Variants in MST1 observed in about 807,000 individuals in gnomAD.
The protein encoded by MST1 is hepatocyte growth factor-like protein.
A neutral mutation model predicts 100.1 loss-of-function variants in MST1; 76 were observed. The ratio of observed to expected loss-of-function variants is 0.76; its 90% CI spans 0.63 to 0.92. The LOEUF (loss-of-function observed/expected upper bound fraction) is 0.92, where lower values mean the gene tolerates loss of function less well. Ranked by LOEUF, MST1 falls within the 40% of genes least tolerant of loss-of-function variation. The pLI is 0.00. For missense variants in MST1, 850 were observed against 990.0 expected (o/e 0.86, Z 1.90); for synonymous variants, 352 against 385.4 (o/e 0.91, Z 1.01).
rs1310184151 is a variant in MST1 at position 49,684,305 on chromosome 3, G to T, written c.2016+9C>A. 3 of 1,612,852 alleles carry T rather than the reference G, an allele frequency of 1.9e-6. No homozygotes were observed. The South Asian group carries it at 3.3e-5, about 18-fold the overall frequency. On this transcript the variant is annotated intron_variant, in intron 17 of 17. Transcript: ENST00000449682. ...CCTTCCAGGGCTGGCCCAGGGCCCTGCCACCAACCTCACAGGCCCCCACAG... is the reference window on the plus strand; with the variant it reads ...CCTTCCAGGGCTGGCCCAGGGCCCTTCCACCAACCTCACAGGCCCCCACAG...
intron 1 of MST1, 113 bp from the exon 2 acceptor site, chr3:49,688,010 A>G: frequency 1.4e-6 from 2 of 1,417,244 alleles, no homozygotes; most frequent in East Asian, 5.0e-5. Flanking sequence ...GGCTTCTGGG[A>G]TGGACCCTGT....
rs1429288147 is a variant in MST1 at position 49,689,363 on chromosome 3, T to TG, written c.-673dup. The TG allele has an allele frequency of 6.6e-6, 1 of 152,400 alleles. No homozygotes were observed. The highest frequency in any genetic ancestry group is 2.4e-5 in the African/African-American group (1 of 41,476). 9.4% of individuals were successfully genotyped at this position (152,400 alleles called of 1,614,324 possible). Reference sequence around the variant, plus strand: ...ATGTCGCGTTCTGCCGCAGCAGGGCTGGGAGCATCCCCAGAGCAGGCGGAG... The same window carrying TG: ...ATGTCGCGTTCTGCCGCAGCAGGGCTGGGGAGCATCCCCAGAGCAGGCGGAG... On this transcript the variant is annotated 5_prime_UTR_variant, in exon 1 of 18. The change abolishes the stop of an existing upstream ORF in the 5' untranslated region. Coordinates refer to ENST00000449682, the MANE Select transcript of MST1 (RefSeq NM_020998.4).
rs781468887 is a variant in MST1, at chr3:49,686,072, C to T, written c.1137G>A (p.Val379=). 6.8e-6 allele frequency: 11 copies of T among 1,610,260 alleles called. No individual in the cohort carries two copies. Among genetic ancestry groups the T allele is most frequent in the Non-Finnish European group, 9.3e-6 (11 of 1,179,334 alleles). ...CYQIRRCTDD[V]RPQDCYHGAG... ...AAGCTTGGGCCTCACCCTGGGGCCG[C>T]ACGTCGTCTGTACAACGCCGGATCT... Residue 379 remains valine (V), a synonymous_variant, in exon 9 of 18, where the codon GTG becomes GTA. Coordinates refer to ENST00000449682, the MANE Select transcript of MST1 (RefSeq NM_020998.4).
At position 49,687,774 on chromosome 3, in the gene MST1, C is replaced by T. The variant is rs373890576; in HGVS notation, c.218G>A (p.Arg73His). The change falls in exon 2 of 18, where the codon CGC becomes CAC. Residue 73 changes from arginine to histidine, a missense_variant. This residue lies in a region of MST1 where 816 missense variants were observed against 924.6 expected (regional missense o/e 0.88). Coordinates refer to ENST00000449682, the MANE Select transcript of MST1 (RefSeq NM_020998.4). ...CCGGCAGTCCATTAAGGGCCCACAG[C>T]GACCAGCACACTCTTCAGCATCTGC... Reference protein sequence around the residue: ...DVADAEECAGRCGPLMDCRAF... With the variant: ...DVADAEECAGHCGPLMDCRAF... 102 of 1,613,584 alleles carry T rather than the reference C, an allele frequency of 6.3e-5. 1 individual carries two copies. The highest frequency in any genetic ancestry group is 4.9e-4 in the East Asian group (22 of 44,888).
At chr3:49,685,238 G>A (rs750299218) in intron 13 of MST1, 24 bp downstream of exon 13, 7 of 1,612,156 alleles carry the variant, frequency 4.3e-6, no homozygotes, top group Non-Finnish European at 5.9e-6. Context: ...TCCTCTCTGT[G>A]GGAGACAGGC....
At chr3:49,688,113 G>A (rs1172626389) in intron 1 of MST1, 10 of 699,596 alleles carry the variant, frequency 1.4e-5, no homozygotes, top group East Asian at 2.8e-5. Flanking sequence ...AGTTATCACC[G>A]GTGCCTCTGT....
intron 7 of MST1, 26 bp from the exon 8 acceptor site, chr3:49,686,507 C>G: frequency 1.2e-6 from 2 of 1,609,422 alleles, no homozygotes; most frequent in Non-Finnish European, 1.7e-6. Context: ...ATAGGTCGGG[C>G]CCCGAGCGAG....
chr3:49,684,732 A>G lies in MST1; in HGVS notation c.1769+6T>C, dbSNP rs1161520335. 2 of 1,613,358 alleles carry G rather than the reference A, an allele frequency of 1.2e-6. No individual in the cohort carries two copies. Among genetic ancestry groups the G allele is most frequent in the South Asian group, 1.1e-5 (1 of 91,052 alleles). On this transcript the variant is annotated splice_donor_region_variant and intron_variant, in intron 15 of 17. Transcript: ENST00000449682. ...CACCTCACACCCTCCCAGGTTGTCC[A>G]CATACCTCTCCAGCTTGAGCAGGAC...
At position 49,686,302 on chromosome 3, in the gene MST1, C is replaced by CT. The variant is rs762977639; in HGVS notation, c.1016+10_1016+11insA. 7.1e-7 allele frequency: 1 copy of CT among 1,413,516 alleles called. No individual in the cohort carries two copies. The highest frequency in any genetic ancestry group is 9.6e-7 in the Non-Finnish European group (1 of 1,042,948). 87.6% of individuals were successfully genotyped at this position (1,413,516 alleles called of 1,614,324 possible). A position where few individuals can be genotyped will look rare whatever the true frequency, so the allele number is the denominator to read the frequency against. The stretch of plus-strand genomic sequence containing the variant: ...GCACGTCCCAACGCCCGCCCCCCCC[C>CT]CCCACCTCACTTGCACGCGTATTTT... On this transcript the variant is annotated intron_variant, in intron 8 of 17. Transcript: ENST00000449682.
Position 49,685,862 on chromosome 3 carries a change from C to A in MST1, c.1248G>T (p.Pro416=). 1.2e-6 allele frequency: 2 copies of A among 1,609,888 alleles called. No homozygotes were observed. Among genetic ancestry groups the A allele is most frequent in the Non-Finnish European group, 1.7e-6 (2 of 1,179,236 alleles). ...GGCCGGGAGCACCAGGGACTCACTG[C>A]GGCTTGTGCGGCGTCTCAGCGGACC... ...QRWSAETPHK[P]QFTFTSEPHA... is the part of the protein sequence containing the mutation. Residue 416 remains proline (P), a splice_region_variant and synonymous_variant, in exon 10 of 18, where the codon CCG becomes CCT. Transcript: ENST00000449682.
In MST1 at chr3:49,685,580, C is replaced by T. The variant is rs1453817957; in HGVS notation, c.1387+16G>A. On this transcript the variant is annotated intron_variant, in intron 11 of 17. Transcript: ENST00000449682. ...GGCTGAGGCAGGGTCATGGGGGAAG[C>T]GTCACTAGTGCTCACCGCAGCGTCG... The T allele has an allele frequency of 3.1e-6, 5 of 1,613,148 alleles. No homozygotes were observed. Among genetic ancestry groups the T allele is most frequent in the Non-Finnish European group, 3.4e-6 (4 of 1,179,840 alleles).
Position 49,686,795 on chromosome 3 carries a change from C to T in MST1, c.736G>A (p.Asp246Asn). ...QHPFEPGKFL[D>N]QGLDDNYCRN... is the part of the protein sequence containing the mutation. ...CAATAGTTGTCGTCCAGACCTTGGT[C>T]GAGGAACCTGGGGGCGGTAATGGGG... The change falls in exon 7 of 18, where the codon GAC (aspartate) becomes AAC (asparagine). Residue 246 changes from aspartate (D) to asparagine (N), a missense_variant. Transcript: ENST00000449682. 6.2e-7 allele frequency: 1 copy of T among 1,612,314 alleles called. No homozygotes were observed. The highest frequency in any genetic ancestry group is 8.5e-7 in the Non-Finnish European group (1 of 1,179,758).
At position 49,687,038 on chromosome 3, in the gene MST1, A is replaced by G; in HGVS notation, c.637T>C (p.Tyr213His). The change falls in exon 6 of 18, where the codon TAC becomes CAC. Residue 213 changes from tyrosine to histidine, a missense_variant. Tyr to His is a moderately conservative substitution (Grantham distance 83). Coordinates refer to ENST00000449682, the MANE Select transcript of MST1 (RefSeq NM_020998.4). Reference sequence around the variant, plus strand: ...TCCGTGCGGTCTACCGCGCCGCGGTATTCCTCGCCATTGCACCAGACACAC... The same window carrying G: ...TCCGTGCGGTCTACCGCGCCGCGGTGTTCCTCGCCATTGCACCAGACACAC... ...AACVWCNGEE[Y>H]RGAVDRTESG... The G allele has an allele frequency of 6.2e-7, 1 of 1,611,870 alleles. No individual in the cohort carries two copies. The highest frequency in any genetic ancestry group is 2.2e-5 in the East Asian group (1 of 44,888).
chr3:49,685,845 G>A lies in MST1; in HGVS notation c.1250+15C>T, dbSNP rs2053678950. ...GGTTAGGGCCCTGGCGGGGCCGGGAGCACCAGGGACTCACTGCGGCTTGTG... is the reference window on the plus strand; with the variant it reads ...GGTTAGGGCCCTGGCGGGGCCGGGAACACCAGGGACTCACTGCGGCTTGTG... On this transcript the variant is annotated intron_variant, in intron 10 of 17. Transcript: ENST00000449682. The A allele has an allele frequency of 6.2e-7, 1 of 1,611,716 alleles. No individual in the cohort carries two copies. Among genetic ancestry groups the A allele is most frequent in the African/African-American group, 1.3e-5 (1 of 74,910 alleles).
intron 10 of MST1, 37 bp from the exon 11 acceptor site, chr3:49,685,769 T>A (rs767331914): frequency 1.9e-6 from 3 of 1,612,822 alleles, no homozygotes; most frequent in Non-Finnish European, 2.5e-6. Context: ...GGCAGGGTAG[T>A]CTCAACCATT....
rs2053923030 is a variant in MST1 at position 49,687,859 on chromosome 3, C to T, written c.133G>A (p.Gly45Ser). 6.2e-7 allele frequency: 1 copy of T among 1,613,408 alleles called. No homozygotes were observed. The highest frequency in any genetic ancestry group is 1.3e-5 in the African/African-American group (1 of 74,918). ...SPLNDFQVLR[G>S]TELQHLLHAV... ...TGTAGCAGGTGCTGTAGCTCTGTGC[C>T]CCGGAGCACTTGGAAGTCATTCAAT... is the stretch of plus-strand genomic sequence containing the variant. Residue 45 changes from glycine to serine, a missense_variant, in exon 2 of 18, where the codon GGC becomes AGC. This residue lies in a region of MST1 where 34 missense variants were observed against 65.5 expected (regional missense o/e 0.52). Coordinates refer to ENST00000449682, the MANE Select transcript of MST1 (RefSeq NM_020998.4).
At position 49,684,636 on chromosome 3, in the gene MST1, C is replaced by T. The variant is rs1013804856; in HGVS notation, c.1790G>A (p.Arg597His). 17 of 1,613,736 alleles carry T rather than the reference C, an allele frequency of 1.1e-5. No homozygotes were observed. The highest frequency in any genetic ancestry group is 5.0e-5 in the Admixed American group (3 of 60,026). ...AGGGGGCAGGCAGATCAGGGCCACA[C>T]GCTGGTTCAGGGTCACAGATCTTTA... is the stretch of plus-strand genomic sequence containing the variant. The part of the protein sequence containing the change: ...KLERSVTLNQ[R>H]VALICLPPEW... The change falls in exon 16 of 18, where the codon CGT (arginine) becomes CAT (histidine). Residue 597 changes from arginine to histidine, a missense_variant. Physicochemically the swap from Arg to His is conservative, Grantham distance 29. Around this residue, in one of 2 missense-constraint regions of MST1, gnomAD observed 816 missense variants for 924.6 expected, o/e 0.88. Coordinates refer to ENST00000449682, the MANE Select transcript of MST1 (RefSeq NM_020998.4).
At position 49,686,074 on chromosome 3, in the gene MST1, C is replaced by G. The variant is rs1425489644; in HGVS notation, c.1135G>C (p.Val379Leu). ...CYQIRRCTDD[V>L]RPQDCYHGAG... Reference sequence around the variant, plus strand: ...GCTTGGGCCTCACCCTGGGGCCGCACGTCGTCTGTACAACGCCGGATCTGG... The same window carrying G: ...GCTTGGGCCTCACCCTGGGGCCGCAGGTCGTCTGTACAACGCCGGATCTGG... Residue 379 changes from valine (V) to leucine (L), a missense_variant, in exon 9 of 18, where the codon GTG (valine) becomes CTG (leucine). By Grantham distance (32) the Val-to-Leu change is conservative. Coordinates refer to ENST00000449682, the MANE Select transcript of MST1 (RefSeq NM_020998.4). The G allele has an allele frequency of 3.2e-5, 52 of 1,610,262 alleles. No homozygotes were observed. The highest frequency in any genetic ancestry group is 4.4e-5 in the Non-Finnish European group (52 of 1,179,334).
intron 2 of MST1, 32 bp downstream of exon 2, chr3:49,687,718 C>T: frequency 6.2e-7 from 1 of 1,613,538 alleles, no homozygotes. Context: ...CTTCCCTGCC[C>T]CCAGTCTTAT....
Sources: allele counts gnomAD v4.1 joint callset, GRCh38; gene constraint gnomAD v4.1.1; regional missense constraint gnomAD v4.1.1; transcripts MANE v1.5; gene names NCBI Gene and HGNC (gene_info 2026-07-23, HGNC 2026-07-21).